VEPH1: variants seen among roughly 807,000 people sequenced by gnomAD.
VEPH1 encodes the protein ventricular zone expressed PH domain containing 1, also known as ventricular zone-expressed PH domain-containing protein homolog 1.
A neutral mutation model predicts 85.2 loss-of-function variants in VEPH1; 80 were observed. The ratio of observed to expected loss-of-function variants is 0.94; its 90% CI spans 0.78 to 1.13. The LOEUF is 1.13. VEPH1 is among the 50% of genes most tolerant of loss of function. The pLI is 0.00. For synonymous variants in VEPH1, 297 were observed against 348.0 expected (o/e 0.85, Z 1.63); for missense variants, 955 against 980.5 (o/e 0.97, Z 0.35).
intron 12 of VEPH1, 153 bp downstream of exon 12, chr3:157,286,404 C>A: frequency 2.9e-6 from 2 of 682,776 alleles, no homozygotes; most frequent in Non-Finnish European, 2.6e-6. Context: ...TTTGGTGAGA[C>A]GCCTTTCTCA....
At position 157,326,345 on chromosome 3, in the gene VEPH1, G is replaced by A. The variant is rs183266305; in HGVS notation, c.1736-9144C>T. 2.3e-3 allele frequency among the ~76,000 whole-genome samples: 354 copies of A among 152,242 alleles called. 1 individual carries two copies. Among genetic ancestry groups the A allele is most frequent in the African/African-American group, 8.1e-3 (337 of 41,528 alleles). On this transcript the variant is annotated intron_variant, in intron 9 of 13. Transcript: ENST00000362010. Reference sequence around the variant, plus strand: ...TCCACCTATCTGGCTGTCGAGTGATGGTGGGAATGGTGATAGAGTAGATAT... The same window carrying A: ...TCCACCTATCTGGCTGTCGAGTGATAGTGGGAATGGTGATAGAGTAGATAT...
chr3:157,502,579 A>G (rs1323481803), intron 1 of VEPH1, among the ~76,000 whole-genome samples: 2 of 152,246 alleles, frequency 1.3e-5, no homozygotes, highest in East Asian at 3.8e-4. Flanking sequence ...TCAATGTTAA[A>G]TGTATCTTCA....
intron 12 of VEPH1, chr3:157,286,347 G>A (rs776357511): frequency 5.1e-6 from 3 of 592,338 alleles, no homozygotes; most frequent in East Asian, 2.9e-5. Context: ...TATAGGTAAG[G>A]GATTGTTTCT....
chr3:157,363,638 T>C lies in VEPH1; in HGVS notation c.1461A>G (p.Gln487=). Residue 487 remains glutamine, a synonymous_variant, in exon 9 of 14, where the codon CAA becomes CAG. Coordinates refer to ENST00000362010, the MANE Select transcript of VEPH1 (RefSeq NM_001167912.2). ...TCTTAAACGGCAGCTTGTCATTTCC[T>C]TGGCCAAGTGGGTCTATTTCTGAAA... ...ISLSEIDPLG[Q]GNDKLPFKTD... The C allele has an allele frequency of 6.2e-7, 1 of 1,614,152 alleles. No homozygotes were observed. The highest frequency in any genetic ancestry group is 1.7e-5 in the Admixed American group (1 of 60,022).
Position 157,380,367 on chromosome 3 carries a change from C to T in VEPH1, c.1127+789G>A, listed in dbSNP as rs185873730. 1.2e-3 allele frequency among the ~76,000 whole-genome samples: 186 copies of T among 152,322 alleles called. 1 individual carries two copies. The highest frequency in any genetic ancestry group is 4.4e-3 in the African/African-American group (181 of 41,570). ...AAAGCTCCACAATCACTCCTCACTG[C>T]TTAGAGGGTAAAACTGAACTCCTTA... On this transcript the variant is annotated intron_variant, in intron 7 of 13. Coordinates refer to ENST00000362010, the MANE Select transcript of VEPH1 (RefSeq NM_001167912.2).
chr3:157,377,912 T>C (rs1208121303), intron 7 of VEPH1, among the ~76,000 whole-genome samples: 1 of 152,164 alleles, frequency 6.6e-6, no homozygotes, highest in African/African-American at 2.4e-5. Context: ...ATATAATATT[T>C]TTTCTCTTTA....
In VEPH1 at chr3:157,366,628, G is replaced by A. The variant is rs1009983739; in HGVS notation, c.1128-2116C>T. ...CAGGCACCTGTAATCCCAGCTACTCGGGAGGCTGAGGCGGGAGAATCAATT... is the reference window on the plus strand; with the variant it reads ...CAGGCACCTGTAATCCCAGCTACTCAGGAGGCTGAGGCGGGAGAATCAATT... On this transcript the variant is annotated intron_variant, in intron 7 of 13. Transcript: ENST00000362010. 7.2e-5 allele frequency among the ~76,000 whole-genome samples: 11 copies of A among 152,064 alleles called. No individual in the cohort carries two copies. In the East Asian group the frequency reaches 1.4e-3, roughly 19 times the overall value.
chr3:157,345,309 A>G lies in VEPH1; in HGVS notation c.1735+18055T>C, dbSNP rs139774301. 3.2e-3 allele frequency among the ~76,000 whole-genome samples: 495 copies of G among 152,312 alleles called. 4 individuals are homozygous for G. The highest frequency in any genetic ancestry group is 0.011 in the African/African-American group (475 of 41,566). On this transcript the variant is annotated intron_variant, in intron 9 of 13. Transcript: ENST00000362010. ...AAAGGGCTAATATCCAGAATCTACAAAGAACTCAAACAAATTTACAAGAAA... is the reference window on the plus strand; with the variant it reads ...AAAGGGCTAATATCCAGAATCTACAGAGAACTCAAACAAATTTACAAGAAA...
chr3:157,335,314 C>T (rs1168531753), intron 9 of VEPH1, among the ~76,000 whole-genome samples: 1 of 151,482 alleles, frequency 6.6e-6, no homozygotes, highest in East Asian at 2.0e-4. Context: ...GGGAGGATGG[C>T]TTGAGCCTGA....
chr3:157,395,492 T>G (rs1188338316), intron 6 of VEPH1, among the ~76,000 whole-genome samples: 1 of 152,184 alleles, frequency 6.6e-6, no homozygotes. Context: ...ATGGCAACTG[T>G]GTTCATAAGT....
intron 6 of VEPH1, among the ~76,000 whole-genome samples, chr3:157,399,913 A>G (rs1730683079): frequency 6.6e-6 from 1 of 152,126 alleles, no homozygotes; most frequent in African/African-American, 2.4e-5. Flanking sequence ...GAATAGCATT[A>G]CAAAAGTCAC....
At chr3:157,304,983 TG>T (rs1313863036) in intron 11 of VEPH1, among the ~76,000 whole-genome samples, 1 of 151,616 alleles carries the variant, frequency 6.6e-6, no homozygotes, top group Non-Finnish European at 1.5e-5. Context: ...TAATATTTTT[TG>T]TTCTCTCAGC....
intron 2 of VEPH1, among the ~76,000 whole-genome samples, chr3:157,486,853 G>C (rs1738704983): frequency 6.6e-6 from 1 of 152,078 alleles, no homozygotes; most frequent in Admixed American, 6.6e-5. Flanking sequence ...ACTACATGCA[G>C]TTAAGATTTA....
intron 4 of VEPH1, chr3:157,436,861 C>G: frequency 6.5e-7 from 1 of 1,531,988 alleles, no homozygotes; most frequent in Non-Finnish European, 8.9e-7. Context: ...CTCTCACTCT[C>G]CTCCGCTCAA....
chr3:157,455,868 A>T (rs897749553), intron 4 of VEPH1, among the ~76,000 whole-genome samples: 7 of 152,220 alleles, frequency 4.6e-5, no homozygotes, highest in African/African-American at 1.4e-4. Flanking sequence ...TGCTAACGTG[A>T]ATAGTGCTGC....
At chr3:157,372,620 T>C (rs1727633355) in intron 7 of VEPH1, among the ~76,000 whole-genome samples, 1 of 152,170 alleles carries the variant, frequency 6.6e-6, no homozygotes, top group African/African-American at 2.4e-5. Flanking sequence ...GAATAAAATA[T>C]TAGGTATTAA....
chr3:157,444,670 C>A (rs1164390593), intron 4 of VEPH1, among the ~76,000 whole-genome samples: 1 of 152,198 alleles, frequency 6.6e-6, no homozygotes, highest in African/African-American at 2.4e-5. Flanking sequence ...GATTTAAATT[C>A]CTTTACATGC....
chr3:157,433,251 A>G (rs1733301069), intron 4 of VEPH1, among the ~76,000 whole-genome samples: 2 of 152,140 alleles, frequency 1.3e-5, no homozygotes, highest in East Asian at 1.9e-4. Context: ...GGGACTTCCA[A>G]TACACACTTT....
intron 12 of VEPH1, among the ~76,000 whole-genome samples, chr3:157,281,101 T>TGTGTGA (rs371002819): frequency 9.4e-5 from 14 of 148,742 alleles, no homozygotes; most frequent in South Asian, 6.4e-4. Context: ...TGTGTGTGTG[T>TGTGTGA]GAGAGAGAGA....
Sources: allele counts gnomAD v4.1 joint callset (sites outside exome capture counted in the v4.1 genomes callset), GRCh38; gene constraint gnomAD v4.1.1; transcripts MANE v1.5; gene names NCBI Gene and HGNC (gene_info 2026-07-23, HGNC 2026-07-21).